The following GJA3 variants were observed in gnomAD, a reference collection of about 807,000 sequenced individuals.
GJA3 encodes gap junction protein alpha 3, also known as gap junction alpha-3 protein.
For synonymous variants in GJA3, 297 were observed against 292.6 expected, an observed-to-expected ratio of 1.02 and a Z score of -0.15; for missense variants, 571 against 620.3, an observed-to-expected ratio of 0.92 and a Z score of 0.84.
At chr13:20,155,480 A>C (rs1014871191) in intron 1 of GJA3, among the ~76,000 whole-genome samples, 2 of 152,092 alleles carry the variant, frequency 1.3e-5, no homozygotes, top group Non-Finnish European at 2.9e-5. Flanking sequence ...ATTTTTTAGA[A>C]AATTTTCCAC....
intron 1 of GJA3, among the ~76,000 whole-genome samples, chr13:20,147,252 C>G (rs982259374): frequency 6.6e-6 from 1 of 152,192 alleles, no homozygotes; most frequent in Non-Finnish European, 1.5e-5. Context: ...TGTGGAAATG[C>G]CGAATCAGCC....
At chr13:20,155,965 G>T (rs1031792762) in intron 1 of GJA3, among the ~76,000 whole-genome samples, 2 of 152,008 alleles carry the variant, frequency 1.3e-5, no homozygotes, top group Non-Finnish European at 2.9e-5. Flanking sequence ...CTCTCATCCA[G>T]AGCCAACTGA....
rs201955819 is a variant in GJA3, at chr13:20,142,055, C to A, written c.1234G>T (p.Gly412Ter). The A allele has an allele frequency of 6.5e-6, 10 of 1,550,068 alleles. No individual in the cohort carries two copies. The highest frequency in any genetic ancestry group is 2.7e-5 in the African/African-American group (2 of 73,046). ...GCCTTGCTGGCCCGACCTGGGTCTC[C>A]GAGGGGCAAGGGCGGCTGGTGCATC... ...AQMHQPPLPL[G>*]DPGRASKASR... The change falls in exon 2 of 2, where the codon GGA (glycine) becomes TGA (stop). Residue 412 changes from glycine to a stop codon, truncating the protein, a stop_gained. Coordinates refer to ENST00000241125, the MANE Select transcript of GJA3 (RefSeq NM_021954.4). LOFTEE classifies it high-confidence loss of function.
intron 1 of GJA3, among the ~76,000 whole-genome samples, chr13:20,152,287 A>G (rs1234273833): frequency 1.5e-5 from 2 of 132,468 alleles, no homozygotes; most frequent in African/African-American, 2.9e-5. Flanking sequence ...GATCACCACC[A>G]AGTGCAAGTT....
At chr13:20,146,945 C>T (rs1958846651) in intron 1 of GJA3, among the ~76,000 whole-genome samples, 1 of 152,224 alleles carries the variant, frequency 6.6e-6, no homozygotes, top group African/African-American at 2.4e-5. Flanking sequence ...ATCCTTCTCT[C>T]CCTTGCCTGA....
chr13:20,159,783 T>G (rs977869128), intron 1 of GJA3, among the ~76,000 whole-genome samples: 7 of 152,222 alleles, frequency 4.6e-5, no homozygotes, highest in African/African-American at 1.7e-4. Flanking sequence ...TATCTCGATA[T>G]GAACCAAACT....
At position 20,148,192 on chromosome 13, in the gene GJA3, A is replaced by G. The variant is rs189351016; in HGVS notation, c.-17-4887T>C. On this transcript the variant is annotated intron_variant, in intron 1 of 1. Transcript: ENST00000241125. The stretch of plus-strand genomic sequence containing the variant: ...GGTATCCACCTCCCTTCGCCGTCAG[A>G]CTTTAGTTGGCTCTGGATGACATGC... Among the ~76,000 whole-genome samples the G allele has an allele frequency of 2.7e-3, 401 of 151,014 alleles. 6 individuals carry two copies. The highest frequency in any genetic ancestry group is 9.3e-4 in the Non-Finnish European group (63 of 67,942).
chr13:20,149,031 C>T (rs773043805), intron 1 of GJA3, among the ~76,000 whole-genome samples: 13 of 152,298 alleles, frequency 8.5e-5, no homozygotes, highest in Middle Eastern at 3.4e-3. Flanking sequence ...AAATTTATGA[C>T]GCTGCTTTCA....
intron 1 of GJA3, among the ~76,000 whole-genome samples, chr13:20,153,004 T>C (rs1958887578): frequency 6.6e-6 from 1 of 152,194 alleles, no homozygotes; most frequent in Non-Finnish European, 1.5e-5. Context: ...CTTATCTAGT[T>C]AGTCATCTTT....
intron 1 of GJA3, among the ~76,000 whole-genome samples, chr13:20,153,352 T>A (rs7338216): frequency 0.25 from 37,837 of 152,148 alleles, 6,487 homozygotes; most frequent in African/African-American, 0.49. Context: ...ACTGCAGCAC[T>A]ATTCACAATA....
chr13:20,150,668 T>C (rs1958871568), intron 1 of GJA3, among the ~76,000 whole-genome samples: 1 of 152,044 alleles, frequency 6.6e-6, no homozygotes, highest in Admixed American at 6.5e-5. Flanking sequence ...CTCAAGACAA[T>C]GTGGGACCCT....
chr13:20,139,319 G>A lies in GJA3; in HGVS notation c.*2662C>T, dbSNP rs1265025197. Reference sequence around the variant, plus strand: ...ATTTGAGTTTTAAAATAGGCTTAGAGATTTTTTAAAACTTTCTAATGAATC... The same window carrying A: ...ATTTGAGTTTTAAAATAGGCTTAGAAATTTTTTAAAACTTTCTAATGAATC... On this transcript the variant is annotated 3_prime_UTR_variant, in exon 2 of 2. Coordinates refer to ENST00000241125, the MANE Select transcript of GJA3 (RefSeq NM_021954.4). 1 of 151,950 alleles carries A rather than the reference G, an allele frequency of 6.6e-6. No homozygotes were observed. The highest frequency in any genetic ancestry group is 2.4e-5 in the African/African-American group (1 of 41,368). The allele number at this position is 151,950 out of a possible 1,614,324, so 9.4% of individuals were successfully genotyped here. A position where few individuals can be genotyped will look rare whatever the true frequency, so the allele number is the denominator to read the frequency against.
chr13:20,152,364 A>C (rs1214795369), intron 1 of GJA3, among the ~76,000 whole-genome samples: 1 of 152,140 alleles, frequency 6.6e-6, no homozygotes, highest in Non-Finnish European at 1.5e-5. Context: ...ATTCCCTCTC[A>C]TAATATCATA....
Position 20,142,566 on chromosome 13 carries a change from G to T in GJA3, c.723C>A (p.Asp241Glu), listed in dbSNP as rs771424292. ...KQGVTSRLGP[D>E]ASEAPLGTAD... is the part of the protein sequence containing the mutation. ...CTGTCCCCAGCGGGGCCTCGGAGGCGTCCGGGCCGAGGCGGCTGGTCACGC... is the reference window on the plus strand; with the variant it reads ...CTGTCCCCAGCGGGGCCTCGGAGGCTTCCGGGCCGAGGCGGCTGGTCACGC... Residue 241 changes from aspartate (D) to glutamate (E), a missense_variant, in exon 2 of 2, where the codon GAC (aspartate) becomes GAA (glutamate). By Grantham distance (45) the Asp-to-Glu change is conservative. Transcript: ENST00000241125. 6.3e-7 allele frequency: 1 copy of T among 1,591,822 alleles called. No homozygotes were observed. The highest frequency in any genetic ancestry group is 1.1e-5 in the South Asian group (1 of 88,892).
intron 1 of GJA3, among the ~76,000 whole-genome samples, chr13:20,152,631 G>T (rs1337336554): frequency 2.0e-5 from 3 of 152,264 alleles, no homozygotes; most frequent in Non-Finnish European, 2.9e-5. Context: ...TGATTTGCCT[G>T]CCTTGGTCTC....
At position 20,158,593 on chromosome 13, in the gene GJA3, T is replaced by C. The variant is rs146839050; in HGVS notation, c.-18+2297A>G. On this transcript the variant is annotated intron_variant, in intron 1 of 1. Transcript: ENST00000241125. ...AAACTATTCACATCAACCATTACTTTTGGAGATGTACAGGAGTTTTAAAAA... is the reference window on the plus strand; with the variant it reads ...AAACTATTCACATCAACCATTACTTCTGGAGATGTACAGGAGTTTTAAAAA... Among the ~76,000 whole-genome samples the C allele has an allele frequency of 3.5e-3, 538 of 151,964 alleles. 5 individuals carry two copies. Among genetic ancestry groups the C allele is most frequent in the Non-Finnish European group, 5.8e-3 (396 of 67,970 alleles).
chr13:20,141,638 A>C lies in GJA3; in HGVS notation c.*343T>G. 1 of 280,292 alleles carries C rather than the reference A, an allele frequency of 3.6e-6. No homozygotes were observed. The highest frequency in any genetic ancestry group is 6.7e-5 in the East Asian group (1 of 14,964). 17.4% of individuals were successfully genotyped at this position (280,292 alleles called of 1,614,324 possible). On this transcript the variant is annotated 3_prime_UTR_variant, in exon 2 of 2. Coordinates refer to ENST00000241125, the MANE Select transcript of GJA3 (RefSeq NM_021954.4). ...ATTGCCCAGGAGCTAAAGGGACTGC[A>C]GGATACCTGTTGCTTTACCACTACA...
chr13:20,154,432 G>A (rs1034806995), intron 1 of GJA3, among the ~76,000 whole-genome samples: 1 of 152,178 alleles, frequency 6.6e-6, no homozygotes, highest in South Asian at 2.1e-4. Flanking sequence ...CCAGCAACCT[G>A]TTACAAAGGC....
In GJA3 at chr13:20,142,587, C is replaced by T. The variant is rs753680028; in HGVS notation, c.702G>A (p.Val234=). The change falls in exon 2 of 2, where the codon GTG becomes GTA. Residue 234 remains valine (V), a synonymous_variant. Coordinates refer to ENST00000241125, the MANE Select transcript of GJA3 (RefSeq NM_021954.4). ...AGGCGTCCGGGCCGAGGCGGCTGGT[C>T]ACGCCCTGCTTGAGCTTCTTCCAGC... ...HLGWKKLKQG[V]TSRLGPDASE... 2 of 1,608,314 alleles carry T rather than the reference C, an allele frequency of 1.2e-6. No homozygotes were observed. The highest frequency in any genetic ancestry group is 1.7e-6 in the Non-Finnish European group (2 of 1,177,930).
Sources: gnomAD v4.1 joint callset for allele counts (sites outside exome capture counted in the v4.1 genomes callset) on GRCh38, gnomAD v4.1.1 for gene constraint, MANE v1.5 for transcripts, NCBI Gene and HGNC (gene_info 2026-07-23, HGNC 2026-07-21) for gene names.